ADGRL3: variants seen among roughly 807,000 people sequenced by gnomAD.
ADGRL3 encodes calcium-independent alpha-latrotoxin receptor 3.
In ADGRL3, 62 loss-of-function variants were observed where a neutral mutation model predicts 153.5. The ratio of observed to expected loss-of-function variants is 0.40; its 90% CI spans 0.33 to 0.50. ADGRL3 has a LOEUF of 0.50. ADGRL3 is among the 20% of genes least tolerant of loss of function. ADGRL3 has a pLI of 0.47. For missense variants in ADGRL3, 1,641 were observed against 1,859.4 expected (o/e 0.88, Z 2.16); for synonymous variants, 710 against 672.5 (o/e 1.06, Z -0.86).
At chr4:61,888,807 C>G (rs1332608811) in intron 9 of ADGRL3, among the ~76,000 whole-genome samples, 1 of 152,118 alleles carries the variant, frequency 6.6e-6, no homozygotes, top group Admixed American at 6.6e-5. Flanking sequence ...TTTAAAAATA[C>G]CGTATCATTG....
At chr4:61,621,100 T>C (rs762392785) in intron 5 of ADGRL3, among the ~76,000 whole-genome samples, 14 of 152,224 alleles carry the variant, frequency 9.2e-5, no homozygotes, top group Non-Finnish European at 1.8e-4. Context: ...GGACTTACCT[T>C]ATGGAACAAG....
At chr4:61,693,167 A>G (rs946402370) in intron 6 of ADGRL3, among the ~76,000 whole-genome samples, 1 of 152,132 alleles carries the variant, frequency 6.6e-6, no homozygotes, top group African/African-American at 2.4e-5. Flanking sequence ...AAAGAAAAGT[A>G]ATAATTGGAA....
intron 5 of ADGRL3, among the ~76,000 whole-genome samples, chr4:61,598,490 C>T (rs182616781): frequency 8.2e-4 from 125 of 152,282 alleles, no homozygotes; most frequent in South Asian, 4.1e-3. Context: ...ACATAAATCT[C>T]ATCCCCTACA....
intron 1 of ADGRL3, among the ~76,000 whole-genome samples, chr4:61,218,833 T>C (rs1375765131): frequency 6.6e-6 from 1 of 152,220 alleles, no homozygotes; most frequent in Non-Finnish European, 1.5e-5. Flanking sequence ...GTATGAGATC[T>C]GGCTAGTAAG....
chr4:61,888,283 AAC>A (rs1195736201), intron 9 of ADGRL3, among the ~76,000 whole-genome samples: 2 of 152,230 alleles, frequency 1.3e-5, no homozygotes, highest in Admixed American at 1.3e-4. Context: ...CTGATATACA[AAC>A]ACACAAAGCA....
intron 11 of ADGRL3, among the ~76,000 whole-genome samples, chr4:61,904,759 G>C (rs115395640): frequency 6.6e-6 from 1 of 151,662 alleles, no homozygotes; most frequent in Non-Finnish European, 1.5e-5. Flanking sequence ...GACTAATTTT[G>C]CTATTCATAA....
At chr4:61,315,517 G>A (rs1030946039) in intron 1 of ADGRL3, among the ~76,000 whole-genome samples, 1 of 152,152 alleles carries the variant, frequency 6.6e-6, no homozygotes, top group African/African-American at 2.4e-5. Flanking sequence ...AACTAAGCCT[G>A]TTAGTAGCAA....
intron 5 of ADGRL3, among the ~76,000 whole-genome samples, chr4:61,663,409 C>G (rs1184740800): frequency 6.6e-6 from 1 of 152,230 alleles, no homozygotes; most frequent in African/African-American, 2.4e-5. Flanking sequence ...CCAGCCACAG[C>G]CTCGCTGGGA....
At position 61,872,720 on chromosome 4, in the gene ADGRL3, T is replaced by C. The variant is rs533511038; in HGVS notation, c.1481-19936T>C. On this transcript the variant is annotated intron_variant, in intron 9 of 26. Coordinates refer to ENST00000683033, the MANE Select transcript of ADGRL3 (RefSeq NM_001387552.1). ...ACACTTTGCCATCCAGAAAAAAATA[T>C]ATATGTCTTCCCAACTTTCCTTGAC... Among the ~76,000 whole-genome samples, 176 of 151,188 alleles carry C rather than the reference T, an allele frequency of 1.2e-3. 1 individual carries two copies. The highest frequency in any genetic ancestry group is 4.0e-3 in the African/African-American group (163 of 41,198).
intron 1 of ADGRL3, among the ~76,000 whole-genome samples, chr4:61,228,069 T>G (rs1489652141): frequency 6.6e-6 from 1 of 152,234 alleles, no homozygotes. Flanking sequence ...TTAACTGAAT[T>G]GCAGATCTTG....
In ADGRL3 at chr4:61,927,365, TA is replaced by T. The variant is rs563648245; in HGVS notation, c.2113-7464del. ...TTTGCAAAAAGACAATGCTTTTTTT[TA>T]AAAAAAAAAATAAGAGGTCTCTTAA... On this transcript the variant is annotated intron_variant, in intron 13 of 26. Transcript: ENST00000683033. Among the ~76,000 whole-genome samples the T allele has an allele frequency of 5.0e-4, 76 of 150,558 alleles. 2 individuals are homozygous for T. Among genetic ancestry groups the T allele is most frequent in the African/African-American group, 1.5e-3 (63 of 41,166 alleles).
chr4:61,769,705 C>T (rs1320889659), intron 8 of ADGRL3, among the ~76,000 whole-genome samples: 1 of 150,338 alleles, frequency 6.7e-6, no homozygotes, highest in East Asian at 2.0e-4. Flanking sequence ...AGGAAAATTA[C>T]AGTCCAAGGG....
chr4:61,437,485 T>A (rs1403739242), intron 2 of ADGRL3, among the ~76,000 whole-genome samples: 2 of 152,216 alleles, frequency 1.3e-5, no homozygotes, highest in Non-Finnish European at 2.9e-5. Flanking sequence ...CACAGTGTCT[T>A]GTCTATTTGA....
chr4:61,750,729 G>T (rs958277089), intron 8 of ADGRL3, among the ~76,000 whole-genome samples: 1 of 150,380 alleles, frequency 6.6e-6, no homozygotes. Flanking sequence ...GGCGGAGCTT[G>T]CAGTGAGCCG....
chr4:61,384,091 C>G (rs1319530562), intron 2 of ADGRL3, among the ~76,000 whole-genome samples: 1 of 151,686 alleles, frequency 6.6e-6, no homozygotes, highest in African/African-American at 2.4e-5. Context: ...TCAAATATTC[C>G]GTACTTTTTT....
At chr4:61,406,892 G>C (rs995196008) in intron 2 of ADGRL3, among the ~76,000 whole-genome samples, 1 of 151,966 alleles carries the variant, frequency 6.6e-6, no homozygotes, top group African/African-American at 2.4e-5. Flanking sequence ...GCTAATAACA[G>C]TATGCTACAT....
intron 24 of ADGRL3, among the ~76,000 whole-genome samples, chr4:62,040,643 A>G (rs1727748023): frequency 1.3e-5 from 2 of 152,124 alleles, no homozygotes; most frequent in African/African-American, 4.8e-5. Flanking sequence ...TCAATCTTCT[A>G]ATCTCTGGGG....
At chr4:61,654,507 A>G (rs988140884) in intron 5 of ADGRL3, among the ~76,000 whole-genome samples, 2 of 151,990 alleles carry the variant, frequency 1.3e-5, no homozygotes, top group Non-Finnish European at 2.9e-5. Flanking sequence ...ACACTTCTGT[A>G]CTTTTTAGAA....
intron 26 of ADGRL3, among the ~76,000 whole-genome samples, chr4:62,069,303 A>T (rs541875585): frequency 6.6e-6 from 1 of 152,242 alleles, no homozygotes; most frequent in Non-Finnish European, 1.5e-5. Flanking sequence ...GGCACCAGAT[A>T]CCTGTGTCTT....
Sources: gnomAD v4.1 joint callset for allele counts (sites outside exome capture counted in the v4.1 genomes callset) on GRCh38, gnomAD v4.1.1 for gene constraint, MANE v1.5 for transcripts, NCBI Gene and HGNC (gene_info 2026-07-23, HGNC 2026-07-21) for gene names.